The following ARHGAP26 variants were observed in gnomAD, a reference collection of about 807,000 sequenced individuals.
The protein encoded by ARHGAP26 is Rho GTPase activating protein 26.
A neutral mutation model predicts 104.8 loss-of-function variants in ARHGAP26; 38 were observed. The observed-to-expected ratio is 0.36, with a 90% CI of 0.28 to 0.48. The LOEUF (loss-of-function observed/expected upper bound fraction) is 0.48, where lower values mean the gene tolerates loss of function less well. Ranked by LOEUF, ARHGAP26 falls within the 20% of genes least tolerant of loss-of-function variation. The pLI is 0.99. For synonymous variants in ARHGAP26, 341 were observed against 340.0 expected, an observed-to-expected ratio of 1.00 and a Z score of -0.03; for missense variants, 704 against 947.9, an observed-to-expected ratio of 0.74 and a Z score of 3.38.
At chr5:143,088,966 G>C (rs1425868031) in intron 17 of ARHGAP26, among the ~76,000 whole-genome samples, 11 of 152,190 alleles carry the variant, frequency 7.2e-5, no homozygotes, top group Non-Finnish European at 4.4e-5. Context: ...ATTGGAATGA[G>C]TTAGGGTGGA....
chr5:142,916,875 A>G (rs1762548238), intron 10 of ARHGAP26, among the ~76,000 whole-genome samples: 2 of 152,102 alleles, frequency 1.3e-5, no homozygotes, highest in Admixed American at 1.3e-4. Context: ...GTGTTGTGTC[A>G]TCCTCACTAC....
chr5:143,075,856 G>A (rs767470868), intron 17 of ARHGAP26, among the ~76,000 whole-genome samples: 1 of 151,776 alleles, frequency 6.6e-6, no homozygotes, highest in African/African-American at 2.4e-5. Flanking sequence ...ACGCCACCAG[G>A]CCCAGCTAAT....
chr5:143,212,697 C>T (rs1809676447), intron 21 of ARHGAP26, among the ~76,000 whole-genome samples: 1 of 152,210 alleles, frequency 6.6e-6, no homozygotes, highest in South Asian at 2.1e-4. Context: ...TAACCATTTA[C>T]TCTGATCACT....
At chr5:142,940,913 A>G (rs1324532774) in intron 11 of ARHGAP26, among the ~76,000 whole-genome samples, 1 of 151,802 alleles carries the variant, frequency 6.6e-6, no homozygotes, top group African/African-American at 2.4e-5. Context: ...GGTCTCTGCT[A>G]AAGATACAAA....
chr5:142,984,045 C>G (rs936344131), intron 11 of ARHGAP26, among the ~76,000 whole-genome samples: 2 of 152,194 alleles, frequency 1.3e-5, no homozygotes, highest in African/African-American at 4.8e-5. Context: ...AAAGACCCAG[C>G]TTCATTGTGT....
chr5:142,995,203 G>C (rs1476958832), intron 11 of ARHGAP26, among the ~76,000 whole-genome samples: 2 of 152,196 alleles, frequency 1.3e-5, no homozygotes, highest in Non-Finnish European at 2.9e-5. Flanking sequence ...CACAGCAAAA[G>C]AAACTATCAC....
At chr5:143,012,550 T>TATATATATATATATATAC (rs1778935977) in intron 11 of ARHGAP26, among the ~76,000 whole-genome samples, 1 of 60,080 alleles carries the variant, frequency 1.7e-5, no homozygotes, top group Non-Finnish European at 4.4e-5. Flanking sequence ...TATACATACA[T>TATATATATATATATATAC]ACATATATAT....
chr5:142,857,103 C>T (rs1027313023), intron 1 of ARHGAP26, among the ~76,000 whole-genome samples: 2 of 152,190 alleles, frequency 1.3e-5, no homozygotes, highest in African/African-American at 4.8e-5. Context: ...ACAGGGCCTT[C>T]TTCCCTGGGT....
intron 10 of ARHGAP26, among the ~76,000 whole-genome samples, chr5:142,931,565 TGAAGCAGTTTA>T (rs1366043108): frequency 6.6e-6 from 1 of 152,242 alleles, no homozygotes; most frequent in Non-Finnish European, 1.5e-5. Context: ...TCTCCATGTC[TGAAGCAGTTTA>T]GAAGCAGTGG....
At chr5:142,796,619 T>C (rs908922636) in intron 1 of ARHGAP26, among the ~76,000 whole-genome samples, 8 of 152,252 alleles carry the variant, frequency 5.3e-5, no homozygotes, top group Admixed American at 2.6e-4. Flanking sequence ...CAAGAACGTT[T>C]CTGCTAGCCC....
At chr5:142,899,314 T>G (rs1319587401) in intron 6 of ARHGAP26, among the ~76,000 whole-genome samples, 1 of 152,216 alleles carries the variant, frequency 6.6e-6, no homozygotes, top group African/African-American at 2.4e-5. Flanking sequence ...CTATGAATGG[T>G]GACAATCCAG....
chr5:142,952,795 C>T (rs776466950), intron 11 of ARHGAP26, among the ~76,000 whole-genome samples: 2 of 152,034 alleles, frequency 1.3e-5, no homozygotes, highest in African/African-American at 2.4e-5. Flanking sequence ...CTGCAACCTC[C>T]GCCTCCCGGG....
At chr5:143,024,759 T>C (rs1445023766) in intron 12 of ARHGAP26, among the ~76,000 whole-genome samples, 2 of 152,188 alleles carry the variant, frequency 1.3e-5, no homozygotes, top group Admixed American at 6.5e-5. Context: ...GAGGGCAAAC[T>C]TGGTCACTCC....
intron 14 of ARHGAP26, 63 bp downstream of exon 14, chr5:143,041,953 C>T: frequency 7.0e-7 from 1 of 1,430,982 alleles, no homozygotes; most frequent in Non-Finnish European, 9.6e-7. Context: ...TGAAAAGTCA[C>T]CAGGTCTGTG....
At chr5:142,986,257 G>A (rs1419628391) in intron 11 of ARHGAP26, among the ~76,000 whole-genome samples, 1 of 152,178 alleles carries the variant, frequency 6.6e-6, no homozygotes, top group Non-Finnish European at 1.5e-5. Flanking sequence ...CTGATGGCCA[G>A]TGATGATGAG....
intron 11 of ARHGAP26, among the ~76,000 whole-genome samples, chr5:142,991,580 C>T (rs1329855821): frequency 6.6e-6 from 1 of 152,172 alleles, no homozygotes; most frequent in East Asian, 1.9e-4. Flanking sequence ...CCTATTTGGC[C>T]ATCTTGGAAC....
intron 12 of ARHGAP26, among the ~76,000 whole-genome samples, chr5:143,030,399 G>C (rs552650761): frequency 2.0e-5 from 3 of 152,202 alleles, no homozygotes; most frequent in Non-Finnish European, 2.9e-5. Flanking sequence ...ACAAAATGCA[G>C]GAGGTCTAAA....
chr5:142,999,868 C>T (rs959542064), intron 11 of ARHGAP26, among the ~76,000 whole-genome samples: 3 of 152,048 alleles, frequency 2.0e-5, no homozygotes, highest in Admixed American at 6.5e-5. Context: ...ATTCGCAAAC[C>T]ATATATCTGA....
At chr5:142,927,185 T>C (rs922955627) in intron 10 of ARHGAP26, among the ~76,000 whole-genome samples, 4 of 152,184 alleles carry the variant, frequency 2.6e-5, no homozygotes, top group Admixed American at 2.6e-4. Flanking sequence ...GTAATCACAG[T>C]AAAATGCATG....
Sources: gnomAD v4.1 joint callset for allele counts (sites outside exome capture counted in the v4.1 genomes callset) on GRCh38, gnomAD v4.1.1 for gene constraint, MANE v1.5 for transcripts, NCBI Gene and HGNC (gene_info 2026-07-23, HGNC 2026-07-21) for gene names.